NRG3: variants seen among roughly 807,000 people sequenced by gnomAD.
The protein encoded by NRG3 is neuregulin 3, also known as pro-neuregulin-3, membrane-bound isoform.
NRG3 carries 31 observed loss-of-function variants against 66.9 expected under a neutral mutation model. The ratio of observed to expected loss-of-function variants is 0.46; its 90% CI spans 0.35 to 0.63. The LOEUF is 0.63. NRG3 is among the 20% of genes least tolerant of loss of function. The pLI is 0.00. For missense variants in NRG3, 910 were observed against 878.9 expected, an observed-to-expected ratio of 1.04 and a Z score of -0.45; for synonymous variants, 393 against 359.4, an observed-to-expected ratio of 1.09 and a Z score of -1.06.
At chr10:81,942,001 A>G (rs774907912) in intron 1 of NRG3, among the ~76,000 whole-genome samples, 7 of 152,128 alleles carry the variant, frequency 4.6e-5, no homozygotes, top group Non-Finnish European at 8.8e-5. Flanking sequence ...TCATTTTATC[A>G]AACTTTAGAT....
At chr10:82,927,669 G>A (rs1169320191) in intron 4 of NRG3, among the ~76,000 whole-genome samples, 2 of 152,298 alleles carry the variant, frequency 1.3e-5, no homozygotes, top group Non-Finnish European at 1.5e-5. Flanking sequence ...CAAAGGACAT[G>A]AACTCATCCT....
At chr10:82,350,054 A>C (rs554150274) in intron 1 of NRG3, among the ~76,000 whole-genome samples, 1 of 152,212 alleles carries the variant, frequency 6.6e-6, no homozygotes, top group Admixed American at 6.5e-5. Context: ...GCTGTAGACC[A>C]GGGCTGTTCC....
At chr10:82,598,547 G>C (rs1565111792) in intron 2 of NRG3, among the ~76,000 whole-genome samples, 1 of 152,196 alleles carries the variant, frequency 6.6e-6, no homozygotes, top group Non-Finnish European at 1.5e-5. Flanking sequence ...AGAGTAGCAA[G>C]AGAACCAAGC....
At chr10:82,684,553 T>G (rs918873045) in intron 2 of NRG3, among the ~76,000 whole-genome samples, 1 of 151,902 alleles carries the variant, frequency 6.6e-6, no homozygotes, top group Non-Finnish European at 1.5e-5. Flanking sequence ...CAGTACATTT[T>G]TGTCAATATT....
chr10:82,657,998 AC>A (rs1293534430), intron 2 of NRG3, among the ~76,000 whole-genome samples: 1 of 152,104 alleles, frequency 6.6e-6, no homozygotes, highest in Non-Finnish European at 1.5e-5. Flanking sequence ...CTGATTCTAC[AC>A]AAACTCTTCC....
rs74370719 is a variant in NRG3, at chr10:81,971,388, G to T, written c.823+95225G>T. 3.0e-3 allele frequency among the ~76,000 whole-genome samples: 457 copies of T among 152,224 alleles called. 3 individuals are homozygous for T. Among genetic ancestry groups the T allele is most frequent in the African/African-American group, 0.01 (435 of 41,532 alleles). ...TCTAAGAGTTGAGATGTAAAGTATT[G>T]TTTACCACTGATAAAGACTTGTATT... is the stretch of plus-strand genomic sequence containing the variant. On this transcript the variant is annotated intron_variant, in intron 1 of 8. Transcript: ENST00000372141.
intron 2 of NRG3, among the ~76,000 whole-genome samples, chr10:82,408,131 G>GAA (rs1491232024): frequency 0.025 from 3,216 of 129,394 alleles, 98 homozygotes; most frequent in East Asian, 0.1. Flanking sequence ...AAGAAAGAAA[G>GAA]AAAGAAAGAA....
rs181183141 is a variant in NRG3 at position 82,769,039 on chromosome 10, A to G, written c.1027+30389A>G. Among the ~76,000 whole-genome samples, 495 of 152,252 alleles carry G rather than the reference A, an allele frequency of 3.3e-3. 3 individuals are homozygous for G. Among genetic ancestry groups the G allele is most frequent in the African/African-American group, 0.011 (473 of 41,562 alleles). On this transcript the variant is annotated intron_variant, in intron 3 of 8. Transcript: ENST00000372141. ...CAAAATTGTCAGTAGTTTTATCATC[A>G]TCTTTGTCAGTCTTTGACGACTACA...
At chr10:82,781,897 A>T (rs1176677542) in intron 3 of NRG3, among the ~76,000 whole-genome samples, 3 of 152,132 alleles carry the variant, frequency 2.0e-5, no homozygotes, top group East Asian at 3.9e-4. Context: ...CAAAAAAAAA[A>T]TCCTGCAAAT....
intron 2 of NRG3, among the ~76,000 whole-genome samples, chr10:82,700,950 C>T (rs988895001): frequency 1.3e-5 from 2 of 152,102 alleles, no homozygotes; most frequent in African/African-American, 2.4e-5. Context: ...ATCATATTGC[C>T]TTCTGAGCCT....
intron 4 of NRG3, among the ~76,000 whole-genome samples, chr10:82,914,496 C>T (rs1362414029): frequency 4.6e-5 from 7 of 152,092 alleles, no homozygotes; most frequent in Non-Finnish European, 1.0e-4. Context: ...TTACAGGTGT[C>T]AGAGGCTAAA....
At position 82,838,122 on chromosome 10, in the gene NRG3, T is replaced by A. The variant is rs141976783; in HGVS notation, c.1028-27289T>A. ...AAAATCCTCTTTGGAGGAGTAACTT[T>A]GGTCTTTTAAAGAAAAGAAATTAAA... On this transcript the variant is annotated intron_variant, in intron 3 of 8. Transcript: ENST00000372141. Among the ~76,000 whole-genome samples the A allele has an allele frequency of 1.2e-3, 182 of 152,250 alleles. 1 individual carries two copies. The highest frequency in any genetic ancestry group is 3.7e-3 in the African/African-American group (154 of 41,562).
In NRG3 at chr10:82,439,325, CTGTT is replaced by C. The variant is rs138946648; in HGVS notation, c.953+80465_953+80468del. 1.5e-3 allele frequency among the ~76,000 whole-genome samples: 227 copies of C among 152,128 alleles called. 1 individual carries two copies. Among genetic ancestry groups the C allele is most frequent in the African/African-American group, 5.2e-3 (215 of 41,538 alleles). ...CTCCTGCATGAGCACAGGATATTCT[CTGTT>C]TGTTTGTGGTTCTTTTATGTAATTT... On this transcript the variant is annotated intron_variant, in intron 2 of 8. Coordinates refer to ENST00000372141, the MANE Select transcript of NRG3 (RefSeq NM_001010848.4).
chr10:82,892,024 C>G (rs1843197197), intron 4 of NRG3, among the ~76,000 whole-genome samples: 1 of 151,736 alleles, frequency 6.6e-6, no homozygotes, highest in African/African-American at 2.4e-5. Context: ...TATGATTTAT[C>G]CTTTAGTTTG....
At chr10:82,887,195 C>T (rs921431601) in intron 4 of NRG3, among the ~76,000 whole-genome samples, 2 of 152,136 alleles carry the variant, frequency 1.3e-5, no homozygotes, top group Non-Finnish European at 2.9e-5. Flanking sequence ...TCATGCCCAG[C>T]TCAGAGATTA....
At chr10:82,037,914 A>G (rs1388987521) in intron 1 of NRG3, among the ~76,000 whole-genome samples, 1 of 152,004 alleles carries the variant, frequency 6.6e-6, no homozygotes, top group Non-Finnish European at 1.5e-5. Context: ...TCTCTGTGGC[A>G]TACAGAAGGT....
chr10:82,672,718 G>A (rs1370828832), intron 2 of NRG3, among the ~76,000 whole-genome samples: 1 of 152,192 alleles, frequency 6.6e-6, no homozygotes, highest in Non-Finnish European at 1.5e-5. Context: ...GAGTTTGCAT[G>A]TTCCCCTCAA....
intron 3 of NRG3, among the ~76,000 whole-genome samples, chr10:82,792,847 A>T (rs2060643501): frequency 6.6e-6 from 1 of 151,726 alleles, no homozygotes; most frequent in African/African-American, 2.4e-5. Flanking sequence ...CGCCCAGCTA[A>T]TTTTTTGTAT....
chr10:82,219,918 C>T (rs1430169810), intron 1 of NRG3, among the ~76,000 whole-genome samples: 5 of 151,986 alleles, frequency 3.3e-5, no homozygotes, highest in Non-Finnish European at 7.4e-5. Context: ...AACTTAGAAA[C>T]ACAATAAGAT....
Sources: allele counts gnomAD v4.1 joint callset (sites outside exome capture counted in the v4.1 genomes callset), GRCh38; gene constraint gnomAD v4.1.1; transcripts MANE v1.5; gene names NCBI Gene and HGNC (gene_info 2026-07-23, HGNC 2026-07-21).